NT5DC4: variants seen among roughly 807,000 people sequenced by gnomAD.
NT5DC4 encodes 5'-nucleotidase domain containing 4.
A neutral mutation model predicts 26.6 loss-of-function variants in NT5DC4; 44 were observed. The ratio of observed to expected loss-of-function variants is 1.65; its 90% CI spans 1.30 to 2.13. The LOEUF is 2.13. Ranked by LOEUF, NT5DC4 falls within the 30% of genes most tolerant of loss-of-function variation. NT5DC4 has a pLI of 0.00. For missense variants in NT5DC4, 399 were observed against 228.1 expected (o/e 1.75, Z -4.83); for synonymous variants, 157 against 86.7 (o/e 1.81, Z -4.51).
rs567589438 is a variant in NT5DC4, at chr2:112,724,380, T to C, written c.789+254T>C. 303 of 586,582 alleles carry C rather than the reference T, an allele frequency of 5.2e-4. 4 individuals carry two copies. The South Asian group carries it at 5.9e-3, about 12-fold the overall frequency. 36.3% of individuals were successfully genotyped at this position (586,582 alleles called of 1,614,324 possible). On this transcript the variant is annotated intron_variant, in intron 10 of 16. Coordinates refer to ENST00000688554, the MANE Select transcript of NT5DC4 (RefSeq NM_001393655.1). The stretch of plus-strand genomic sequence containing the variant: ...GTATGTGGGGACGGGCGGCAGAAAG[T>C]GGGTGAGACGAGGGCATGGCAGGTC...
At chr2:112,723,896 G>A (rs2104726111) in intron 9 of NT5DC4, 94 bp downstream of exon 9, 5 of 698,020 alleles carry the variant, frequency 7.2e-6, no homozygotes, top group South Asian at 3.1e-5. Context: ...GTGGGGCGGG[G>A]AGCCAAGACC....
chr2:112,731,053 C>G (rs1306210125), intron 16 of NT5DC4: 1 of 152,042 alleles, frequency 6.6e-6, no homozygotes, highest in African/African-American at 2.4e-5. Context: ...AGAAAATATC[C>G]ATAGTCACTT....
At chr2:112,722,651 C>G (rs1677052462) in intron 5 of NT5DC4, 62 bp downstream of exon 5, 2 of 717,498 alleles carry the variant, frequency 2.8e-6, no homozygotes, top group Non-Finnish European at 5.2e-6. Context: ...GGTCCCAGCT[C>G]TGTCCTGGTG....
At chr2:112,732,153 C>T (rs1162008464) in intron 16 of NT5DC4, among the ~76,000 whole-genome samples, 2 of 152,036 alleles carry the variant, frequency 1.3e-5, no homozygotes, top group Admixed American at 6.6e-5. Context: ...TCAAGTGATC[C>T]GCCTGCCTCG....
Position 112,721,973 on chromosome 2 carries a change from C to T in NT5DC4, c.149-13C>T, listed in dbSNP as rs371804977. The T allele has an allele frequency of 4.5e-5, 32 of 717,248 alleles. No homozygotes were observed. Among genetic ancestry groups the T allele is most frequent in the Admixed American group, 8.0e-5 (4 of 50,008 alleles). The allele number at this position is 717,248 out of a possible 1,614,324, so 44.4% of individuals were successfully genotyped here. On this transcript the variant is annotated splice_polypyrimidine_tract_variant and intron_variant, in intron 2 of 16. Transcript: ENST00000688554. ...TGGGCACCAAAGCCCTGATTCTGTC[C>T]GGGCCTCTGCAGCCTACAAGTCCCC...
upstream of NT5DC4, among the ~76,000 whole-genome samples, chr2:112,720,969 T>A (rs189668717): frequency 6.6e-6 from 1 of 152,270 alleles, no homozygotes; most frequent in East Asian, 1.9e-4. Context: ...TGGGGCCAGC[T>A]GGGTCAGTGG....
At chr2:112,726,390 T>C (rs1217440075) in intron 14 of NT5DC4, 101 bp downstream of exon 14, 2 of 701,230 alleles carry the variant, frequency 2.9e-6, no homozygotes, top group African/African-American at 3.5e-5. Flanking sequence ...GCCAAGGTTG[T>C]CAGAACATCA....
rs898050951 is a variant in NT5DC4 at position 112,726,850 on chromosome 2, C to G, written c.1266+112C>G. 8.0e-5 allele frequency: 56 copies of G among 698,228 alleles called. No homozygotes were observed. In the Admixed American group the frequency reaches 1.1e-3, roughly 13 times the overall value. The allele number at this position is 698,228 out of a possible 1,614,324, so 43.3% of individuals were successfully genotyped here. On this transcript the variant is annotated intron_variant, in intron 15 of 16. Coordinates refer to ENST00000688554, the MANE Select transcript of NT5DC4 (RefSeq NM_001393655.1). ...CTCGGTGCCAAAGGCCCAGTTACCC[C>G]ATTCTCCTCAGCCTCGCCTGGGCTC...
chr2:112,741,040 T>A, downstream of NT5DC4: 5 of 1,423,876 alleles, frequency 3.5e-6, no homozygotes, highest in African/African-American at 1.4e-5. Context: ...GAAAGTAAGA[T>A]TTACCAATTT....
downstream of NT5DC4, among the ~76,000 whole-genome samples, chr2:112,740,650 G>A: frequency 6.6e-6 from 1 of 152,162 alleles, no homozygotes; most frequent in East Asian, 1.9e-4. Context: ...GAAAAGGTAG[G>A]CGAGACCATA....
At chr2:112,720,962 G>A (rs1308747370), upstream of NT5DC4, among the ~76,000 whole-genome samples, 2 of 152,218 alleles carry the variant, frequency 1.3e-5, no homozygotes, top group Non-Finnish European at 2.9e-5. Flanking sequence ...CACAGGGTGG[G>A]GCCAGCTGGG....
intron 13 of NT5DC4, 101 bp downstream of exon 13, chr2:112,725,653 G>T (rs1677609744): frequency 5.2e-6 from 3 of 573,572 alleles, no homozygotes; most frequent in Non-Finnish European, 9.5e-6. Flanking sequence ...TAGTAGTTGT[G>T]ACCAGGAATC....
intron 16 of NT5DC4, among the ~76,000 whole-genome samples, chr2:112,730,399 A>T (rs917404500): frequency 4.6e-5 from 7 of 150,698 alleles, no homozygotes; most frequent in African/African-American, 1.7e-4. Context: ...TGGGCCCTGC[A>T]CCCCTACGGA....
chr2:112,735,785 C>T (rs555702035), intron 16 of NT5DC4, among the ~76,000 whole-genome samples: 3 of 152,120 alleles, frequency 2.0e-5, no homozygotes, highest in Non-Finnish European at 2.9e-5. Flanking sequence ...TTTCCACAAC[C>T]TTTTGTGTCT....
intron 13 of NT5DC4, 30 bp downstream of exon 13, chr2:112,725,582 G>A (rs1421796989): frequency 6.0e-6 from 4 of 670,898 alleles, no homozygotes; most frequent in Non-Finnish European, 1.1e-5. Context: ...AACAGTCAGA[G>A]GGGCACTGGC....
chr2:112,732,938 C>T (rs1220114279), intron 16 of NT5DC4, among the ~76,000 whole-genome samples: 1 of 152,194 alleles, frequency 6.6e-6, no homozygotes, highest in Non-Finnish European at 1.5e-5. Context: ...CACGTGTCCT[C>T]ACTAGACTCT....
At chr2:112,736,987 C>T (rs1300785073) in intron 16 of NT5DC4, 2 of 151,666 alleles carry the variant, frequency 1.3e-5, no homozygotes, top group South Asian at 2.1e-4. Flanking sequence ...AGTGCAGTGA[C>T]GCAATTTTGG....
intron 16 of NT5DC4, among the ~76,000 whole-genome samples, chr2:112,735,488 C>CA (rs1024894374): frequency 8.2e-6 from 1 of 121,620 alleles, no homozygotes; most frequent in Non-Finnish European, 2.0e-5. Flanking sequence ...ATCCTCCCCC[C>CA]CCTTTTTTTC....
chr2:112,722,683 G>T (rs905517284), intron 5 of NT5DC4, 31 bp from the exon 6 acceptor site: 32 of 717,436 alleles, frequency 4.5e-5, no homozygotes, highest in Non-Finnish European at 7.8e-5. Context: ...GGCTCCCTGG[G>T]CTGACAACTG....
Sources: gnomAD v4.1 joint callset for allele counts (sites outside exome capture counted in the v4.1 genomes callset) on GRCh38, gnomAD v4.1.1 for gene constraint, MANE v1.5 for transcripts, NCBI Gene and HGNC (gene_info 2026-07-23, HGNC 2026-07-21) for gene names.